TSPAN5: variants seen among roughly 807,000 people sequenced by gnomAD.
TSPAN5 encodes the protein tetraspanin-5.
Under a neutral mutation model 37.1 loss-of-function variants are expected in TSPAN5, and 10 were observed. The ratio of observed to expected loss-of-function variants is 0.27; its 90% confidence interval spans 0.17 to 0.46. The LOEUF is 0.46. Among genes scored for constraint, TSPAN5 ranks in the 20% least tolerant of loss-of-function variants. The pLI is 1.00. For synonymous variants in TSPAN5, 110 were observed against 118.9 expected, an observed-to-expected ratio of 0.93 and a Z score of 0.48; for missense variants, 195 against 326.6, an observed-to-expected ratio of 0.60 and a Z score of 3.11.
intron 1 of TSPAN5, among the ~76,000 whole-genome samples, chr4:98,629,204 CTT>C (rs1227258479): frequency 6.6e-6 from 1 of 152,196 alleles, no homozygotes; most frequent in Non-Finnish European, 1.5e-5. Context: ...ATTTCACAGT[CTT>C]TGAGTTGTAC....
intron 1 of TSPAN5, among the ~76,000 whole-genome samples, chr4:98,559,841 C>G (rs909680013): frequency 1.3e-5 from 2 of 152,146 alleles, no homozygotes; most frequent in Non-Finnish European, 2.9e-5. Context: ...CCACAGAAAA[C>G]CAGCAAGCAG....
chr4:98,521,304 T>C (rs992865870), intron 1 of TSPAN5, among the ~76,000 whole-genome samples: 1 of 152,204 alleles, frequency 6.6e-6, no homozygotes, highest in Admixed American at 6.5e-5. Flanking sequence ...CCTTGAAAGA[T>C]TCAGTGTTTC....
At chr4:98,538,640 T>C (rs1312821858) in intron 1 of TSPAN5, among the ~76,000 whole-genome samples, 1 of 152,246 alleles carries the variant, frequency 6.6e-6, no homozygotes, top group Non-Finnish European at 1.5e-5. Context: ...CAGTGAAATA[T>C]TAGCTTTTAT....
At chr4:98,502,195 T>C (rs1318104017) in intron 2 of TSPAN5, among the ~76,000 whole-genome samples, 1 of 152,198 alleles carries the variant, frequency 6.6e-6, no homozygotes, top group Non-Finnish European at 1.5e-5. Flanking sequence ...GTGTTAAGTT[T>C]CAGAAGCCTA....
chr4:98,533,543 CTTTTTTT>C (rs576852948), intron 1 of TSPAN5, among the ~76,000 whole-genome samples: 18 of 58,580 alleles, frequency 3.1e-4, no homozygotes, highest in East Asian at 5.4e-4. Context: ...TCCCCTATAT[CTTTTTTT>C]TTTTTTTTTT....
In TSPAN5 at chr4:98,532,746, A is replaced by G. The variant is rs180858106; in HGVS notation, c.82-25018T>C. Among the ~76,000 whole-genome samples the G allele has an allele frequency of 8.1e-4, 124 of 152,288 alleles. 1 individual carries two copies. Among genetic ancestry groups the G allele is most frequent in the East Asian group, 5.4e-3 (28 of 5,188 alleles). ...TACTATGTTGAATAGGAGTGGTGAG[A>G]GAGGGCATCCCTGTCTTGTGCCAGT... On this transcript the variant is annotated intron_variant, in intron 1 of 7. Transcript: ENST00000305798.
intron 1 of TSPAN5, among the ~76,000 whole-genome samples, chr4:98,520,850 G>C (rs1038181563): frequency 6.7e-6 from 1 of 149,932 alleles, no homozygotes; most frequent in South Asian, 2.1e-4. Context: ...GCACAGATTA[G>C]CCATTCATGG....
chr4:98,589,424 T>C (rs1222919818), intron 1 of TSPAN5, among the ~76,000 whole-genome samples: 4 of 151,822 alleles, frequency 2.6e-5, no homozygotes, highest in Admixed American at 6.6e-5. Flanking sequence ...ACTCCCAGAG[T>C]TGTTCACTTA....
chr4:98,581,121 C>G (rs1292835169), intron 1 of TSPAN5, among the ~76,000 whole-genome samples: 1 of 152,194 alleles, frequency 6.6e-6, no homozygotes, highest in East Asian at 1.9e-4. Flanking sequence ...AAAACTAGTA[C>G]TCATTTGGGG....
intron 1 of TSPAN5, among the ~76,000 whole-genome samples, chr4:98,635,646 G>A (rs1234782326): frequency 3.9e-5 from 6 of 151,960 alleles, no homozygotes; most frequent in African/African-American, 9.7e-5. Flanking sequence ...GGTGCTGAAC[G>A]GGGGAAAAAA....
intron 1 of TSPAN5, among the ~76,000 whole-genome samples, chr4:98,641,926 A>C (rs546821635): frequency 5.1e-4 from 77 of 152,326 alleles, no homozygotes; most frequent in African/African-American, 1.3e-3. Flanking sequence ...AAAACAAAGG[A>C]TTCCACTATG....
intron 1 of TSPAN5, among the ~76,000 whole-genome samples, chr4:98,521,588 G>A (rs1180243483): frequency 2.0e-5 from 3 of 152,162 alleles, no homozygotes; most frequent in African/African-American, 4.8e-5. Flanking sequence ...CTTGTTTGCT[G>A]GCATGCAGGG....
intron 2 of TSPAN5, among the ~76,000 whole-genome samples, chr4:98,488,350 TTCTG>T (rs1334787979): frequency 6.6e-6 from 1 of 152,226 alleles, no homozygotes; most frequent in Admixed American, 6.5e-5. Flanking sequence ...TGTTCTATTT[TTCTG>T]TCTGTTTCTT....
At chr4:98,519,022 A>C (rs1437088402) in intron 1 of TSPAN5, among the ~76,000 whole-genome samples, 3 of 152,230 alleles carry the variant, frequency 2.0e-5, no homozygotes, top group Non-Finnish European at 4.4e-5. Flanking sequence ...ACAAAGAATG[A>C]ATTGAAGAGA....
chr4:98,504,045 A>G (rs1279251741), intron 2 of TSPAN5, among the ~76,000 whole-genome samples: 1 of 152,246 alleles, frequency 6.6e-6, no homozygotes, highest in Non-Finnish European at 1.5e-5. Context: ...TTGAACTGCA[A>G]TATTAGCCCT....
chr4:98,627,563 T>C (rs1756636110), intron 1 of TSPAN5, among the ~76,000 whole-genome samples: 1 of 152,196 alleles, frequency 6.6e-6, no homozygotes, highest in African/African-American at 2.4e-5. Flanking sequence ...CATTCCTCCA[T>C]GAAAAACTTT....
intron 2 of TSPAN5, among the ~76,000 whole-genome samples, chr4:98,499,657 C>CTTTTTTTTT (rs757802654): frequency 1.9e-5 from 2 of 108,090 alleles, no homozygotes; most frequent in Non-Finnish European, 3.6e-5. Flanking sequence ...GTTTCCAGCT[C>CTTTTTTTTT]TTTTTTTTTT....
chr4:98,584,754 C>A (rs72906087), intron 1 of TSPAN5, among the ~76,000 whole-genome samples: 1 of 152,116 alleles, frequency 6.6e-6, no homozygotes, highest in Non-Finnish European at 1.5e-5. Context: ...ATGCAATAGG[C>A]CTATCGCCAC....
At chr4:98,557,367 C>T (rs1754774293) in intron 1 of TSPAN5, among the ~76,000 whole-genome samples, 1 of 152,246 alleles carries the variant, frequency 6.6e-6, no homozygotes, top group African/African-American at 2.4e-5. Flanking sequence ...CTACTAAGAA[C>T]ACACTCGGGG....
Sources: gnomAD v4.1 joint callset for allele counts (sites outside exome capture counted in the v4.1 genomes callset) on GRCh38, gnomAD v4.1.1 for gene constraint, MANE v1.5 for transcripts, NCBI Gene and HGNC (gene_info 2026-07-23, HGNC 2026-07-21) for gene names.